Variants in TCF12 observed in about 807,000 individuals in gnomAD.
TCF12 encodes the protein transcription factor 12.
TCF12 carries 45 observed loss-of-function variants against 86.0 expected under a neutral mutation model. The ratio of observed to expected loss-of-function variants is 0.52; its 90% CI spans 0.41 to 0.67. TCF12 has a LOEUF of 0.67. Ranked by LOEUF, TCF12 falls within the 30% of genes least tolerant of loss-of-function variation. TCF12 has a pLI of 0.00. For synonymous variants in TCF12, 330 were observed against 299.6 expected (o/e 1.10, Z -1.05); for missense variants, 881 against 859.9 (o/e 1.02, Z -0.31).
At chr15:57,253,183 A>G in intron 15 of TCF12, 79 bp from the exon 16 acceptor site, 1 of 1,483,998 alleles carries the variant, frequency 6.7e-7, no homozygotes, top group Non-Finnish European at 9.4e-7. Flanking sequence ...TCCACATATC[A>G]CATAGTAGGA....
chr15:57,180,684 A>G (rs1567578312), intron 6 of TCF12, among the ~76,000 whole-genome samples: 1 of 152,086 alleles, frequency 6.6e-6, no homozygotes, highest in South Asian at 2.1e-4. Context: ...CCATGAATTC[A>G]TATCAGTATT....
intron 3 of TCF12, among the ~76,000 whole-genome samples, chr15:56,977,837 A>C (rs1433452320): frequency 6.6e-6 from 1 of 152,184 alleles, no homozygotes; most frequent in African/African-American, 2.4e-5. Context: ...ACATATCAGA[A>C]TCACCTGGAG....
Position 57,231,272 on chromosome 15 carries a change from A to G in TCF12, c.685+15A>G. On this transcript the variant is annotated intron_variant, in intron 9 of 20. Coordinates refer to ENST00000333725, the MANE Select transcript of TCF12 (RefSeq NM_207037.2). Reference sequence around the variant, plus strand: ...CTTTATGCAAGGTAAGTACTACCAAACAATTGCCAAATACTACTGCAGTCA... The same window carrying G: ...CTTTATGCAAGGTAAGTACTACCAAGCAATTGCCAAATACTACTGCAGTCA... The G allele has an allele frequency of 6.5e-7, 1 of 1,548,736 alleles. No homozygotes were observed. The highest frequency in any genetic ancestry group is 8.9e-7 in the Non-Finnish European group (1 of 1,120,938).
At chr15:57,262,508 C>G (rs989363799) in intron 17 of TCF12, among the ~76,000 whole-genome samples, 7 of 152,260 alleles carry the variant, frequency 4.6e-5, no homozygotes, top group Admixed American at 4.6e-4. Context: ...ATGAGTGTAT[C>G]TTCATGGTCT....
chr15:57,050,646 C>G (rs1197070253), intron 3 of TCF12, among the ~76,000 whole-genome samples: 2 of 152,114 alleles, frequency 1.3e-5, no homozygotes, highest in African/African-American at 2.4e-5. Flanking sequence ...TTGGTACTCT[C>G]ATTACATGCA....
chr15:57,253,480 C>G lies in TCF12; in HGVS notation c.1467+12C>G, dbSNP rs1353696905. 1 of 1,613,258 alleles carries G rather than the reference C, an allele frequency of 6.2e-7. No individual in the cohort carries two copies. Among genetic ancestry groups the G allele is most frequent in the East Asian group, 2.2e-5 (1 of 44,824 alleles). Reference sequence around the variant, plus strand: ...GATCAGCTTCAATGGTAAAATCATGCTCATCTTTTTTGTAGTAAACCCTAA... The same window carrying G: ...GATCAGCTTCAATGGTAAAATCATGGTCATCTTTTTTGTAGTAAACCCTAA... On this transcript the variant is annotated intron_variant, in intron 16 of 20. Transcript: ENST00000333725.
intron 3 of TCF12, among the ~76,000 whole-genome samples, chr15:57,063,546 G>A (rs1329684887): frequency 6.6e-6 from 1 of 152,124 alleles, no homozygotes; most frequent in African/African-American, 2.4e-5. Flanking sequence ...AATTTACATA[G>A]GGTATTGCAT....
intron 3 of TCF12, among the ~76,000 whole-genome samples, chr15:56,967,890 G>C (rs1351623318): frequency 6.6e-6 from 1 of 152,026 alleles, no homozygotes; most frequent in Admixed American, 6.6e-5. Context: ...TTAAGTAGAG[G>C]AAATTGTCTT....
At chr15:57,170,769 ATT>A (rs1567559804) in intron 6 of TCF12, among the ~76,000 whole-genome samples, 189 of 12,522 alleles carry the variant, frequency 0.015, 12 homozygotes, top group African/African-American at 0.052. Flanking sequence ...TTATATATAT[ATT>A]ATATATAATA....
rs776760424 is a variant in TCF12 at position 57,286,301 on chromosome 15, G to C, written c.*156G>C. 2.1e-4 allele frequency: 41 copies of C among 198,290 alleles called. No individual in the cohort carries two copies. Among genetic ancestry groups the C allele is most frequent in the Non-Finnish European group, 3.9e-4 (37 of 95,196 alleles). 12.3% of individuals were successfully genotyped at this position (198,290 alleles called of 1,614,324 possible). On this transcript the variant is annotated 3_prime_UTR_variant, in exon 21 of 21. Coordinates refer to ENST00000333725, the MANE Select transcript of TCF12 (RefSeq NM_207037.2). ...CCAAGAAACTCAAATGTAATCCTAC[G>C]ATCAAAGCAACTGGTCAACACTTCC...
At chr15:56,944,373 C>T (rs561286511) in intron 3 of TCF12, among the ~76,000 whole-genome samples, 26 of 152,066 alleles carry the variant, frequency 1.7e-4, no homozygotes, top group Admixed American at 4.6e-4. Context: ...TATTTTCAGC[C>T]GAGAGCAAGA....
At chr15:57,008,465 C>T (rs1185231975) in intron 3 of TCF12, among the ~76,000 whole-genome samples, 1 of 151,384 alleles carries the variant, frequency 6.6e-6, no homozygotes, top group African/African-American at 2.4e-5. Flanking sequence ...AAGTGATCCT[C>T]TTGCTTCAGC....
At chr15:56,921,413 T>C (rs1337757720) in intron 3 of TCF12, among the ~76,000 whole-genome samples, 2 of 151,906 alleles carry the variant, frequency 1.3e-5, no homozygotes, top group Non-Finnish European at 2.9e-5. Context: ...CAGATTACAT[T>C]ATGATAATGT....
chr15:57,220,721 A>G (rs1224080168), intron 8 of TCF12, among the ~76,000 whole-genome samples: 2 of 152,088 alleles, frequency 1.3e-5, no homozygotes, highest in Non-Finnish European at 2.9e-5. Context: ...GTAAACTCGG[A>G]AAGTTTCAAT....
At chr15:57,147,086 A>G (rs2053412680) in intron 5 of TCF12, among the ~76,000 whole-genome samples, 1 of 152,234 alleles carries the variant, frequency 6.6e-6, no homozygotes, top group South Asian at 2.1e-4. Context: ...GGAAAATAGC[A>G]GTGCCTTGCA....
chr15:57,065,747 A>G (rs2068821737), intron 4 of TCF12, among the ~76,000 whole-genome samples: 1 of 151,918 alleles, frequency 6.6e-6, no homozygotes, highest in Non-Finnish European at 1.5e-5. Flanking sequence ...CATGAAATCC[A>G]AAGCAAATCT....
intron 19 of TCF12, among the ~76,000 whole-genome samples, chr15:57,280,217 T>C (rs1391206086): frequency 7.9e-6 from 1 of 127,320 alleles, no homozygotes; most frequent in African/African-American, 2.4e-5. Context: ...AACAAACTGA[T>C]GAAGGACGAA....
At chr15:56,923,899 C>T (rs908020226) in intron 3 of TCF12, among the ~76,000 whole-genome samples, 7 of 151,734 alleles carry the variant, frequency 4.6e-5, no homozygotes, top group African/African-American at 1.5e-4. Flanking sequence ...TGAATTCAGA[C>T]GTTTGTAACA....
At chr15:57,085,717 C>T (rs2048578655) in intron 4 of TCF12, among the ~76,000 whole-genome samples, 1 of 152,134 alleles carries the variant, frequency 6.6e-6, no homozygotes, top group Non-Finnish European at 1.5e-5. Flanking sequence ...TTTGAAACTG[C>T]ATTTATTCTT....
Sources: allele counts gnomAD v4.1 joint callset (sites outside exome capture counted in the v4.1 genomes callset), GRCh38; gene constraint gnomAD v4.1.1; transcripts MANE v1.5; gene names NCBI Gene and HGNC (gene_info 2026-07-23, HGNC 2026-07-21).